CBLB: variants seen among roughly 807,000 people sequenced by gnomAD.
CBLB encodes Cbl proto-oncogene B, also known as E3 ubiquitin-protein ligase CBL-B.
CBLB carries 31 observed loss-of-function variants against 104.9 expected under a neutral mutation model. The ratio of observed to expected loss-of-function variants is 0.30; its 90% CI spans 0.22 to 0.40. The LOEUF is 0.40. Among genes scored for constraint, CBLB ranks in the 10% least tolerant of loss-of-function variants. The probability of loss-of-function intolerance (pLI) is 1.00; values close to 1 mark genes in which losing one functional copy is unlikely to be tolerated. For synonymous variants in CBLB, 440 were observed against 422.6 expected, an observed-to-expected ratio of 1.04 and a Z score of -0.51; for missense variants, 1,062 against 1,214.6, an observed-to-expected ratio of 0.87 and a Z score of 1.87.
intron 3 of CBLB, among the ~76,000 whole-genome samples, chr3:105,843,145 A>T (rs28563790): frequency 0.14 from 21,958 of 152,192 alleles, 2,056 homozygotes; most frequent in South Asian, 0.32. Flanking sequence ...CAAAGTCTAA[A>T]CTATTTACTA....
At chr3:105,674,858 G>A (rs1205350627) in intron 17 of CBLB, among the ~76,000 whole-genome samples, 1 of 152,148 alleles carries the variant, frequency 6.6e-6, no homozygotes. Flanking sequence ...AATCTTACAT[G>A]AAGGCCTAAA....
At position 105,658,724 on chromosome 3, in the gene CBLB, C is replaced by A; in HGVS notation, c.*246G>T. ...TTCAAAGTTCAAGGGAAGTAAACGT[C>A]TTTAAATTATTTTTGTCAGTTCAAC... On this transcript the variant is annotated 3_prime_UTR_variant, in exon 19 of 19. Coordinates refer to ENST00000394030, the MANE Select transcript of CBLB (RefSeq NM_170662.5). The A allele has an allele frequency of 1.8e-6, 1 of 545,686 alleles. No homozygotes were observed. The allele number at this position is 545,686 out of a possible 1,614,324, so 33.8% of individuals were successfully genotyped here. A position where few individuals can be genotyped will look rare whatever the true frequency, so the allele number is the denominator to read the frequency against.
In CBLB at chr3:105,733,927, C is replaced by T. The variant is rs1422562103; in HGVS notation, c.1203+82G>A. 6 of 1,324,208 alleles carry T rather than the reference C, an allele frequency of 4.5e-6. No homozygotes were observed. In the Admixed American group the frequency reaches 1.0e-4, roughly 23 times the overall value. The allele number at this position is 1,324,208 out of a possible 1,614,324, so 82.0% of individuals were successfully genotyped here. On this transcript the variant is annotated intron_variant, in intron 9 of 18. Transcript: ENST00000394030. ...TCAAACAAAGCACTTACCAGCATTA[C>T]TTCCTAAACCATTAAGAAAACTGAA...
At chr3:105,782,305 C>T (rs185052879) in intron 3 of CBLB, among the ~76,000 whole-genome samples, 1 of 152,176 alleles carries the variant, frequency 6.6e-6, no homozygotes, top group African/African-American at 2.4e-5. Context: ...GTCAGCAGTG[C>T]GCCTAGGAAC....
Position 105,657,154 on chromosome 3 carries a change from CAT to C in CBLB, c.*1814_*1815del, listed in dbSNP as rs1183788420. 1 of 224,604 alleles carries C rather than the reference CAT, an allele frequency of 4.5e-6. No homozygotes were observed. 13.9% of individuals were successfully genotyped at this position (224,604 alleles called of 1,614,324 possible). A position where few individuals can be genotyped will look rare whatever the true frequency, so the allele number is the denominator to read the frequency against. The stretch of plus-strand genomic sequence containing the variant: ...AAGCCAGACTGTCAAAAAAAGGGCA[CAT>C]GTCACTTTGCAAAGGAATGTATTAA... On this transcript the variant is annotated 3_prime_UTR_variant, in exon 19 of 19. Coordinates refer to ENST00000394030, the MANE Select transcript of CBLB (RefSeq NM_170662.5).
intron 18 of CBLB, among the ~76,000 whole-genome samples, chr3:105,669,265 TGATTA>T (rs2064814509): frequency 1.3e-5 from 2 of 152,246 alleles, no homozygotes; most frequent in South Asian, 4.1e-4. Flanking sequence ...TTTTGGGAGA[TGATTA>T]GATTATGCAG....
At chr3:105,823,704 A>C (rs892581126) in intron 3 of CBLB, among the ~76,000 whole-genome samples, 6 of 152,134 alleles carry the variant, frequency 3.9e-5, no homozygotes, top group African/African-American at 1.4e-4. Flanking sequence ...ACCTTTGAAA[A>C]AGAGGAGGCT....
chr3:105,852,975 T>C (rs2091150350), intron 3 of CBLB, among the ~76,000 whole-genome samples: 1 of 151,976 alleles, frequency 6.6e-6, no homozygotes, highest in Non-Finnish European at 1.5e-5. Flanking sequence ...CCTCAGCCTC[T>C]CAAAGTGCTG....
chr3:105,780,032 T>C (rs528198663), intron 3 of CBLB, among the ~76,000 whole-genome samples: 1 of 152,178 alleles, frequency 6.6e-6, no homozygotes, highest in South Asian at 2.1e-4. Context: ...TTTGGATTTT[T>C]AGTAGAGACG....
intron 18 of CBLB, among the ~76,000 whole-genome samples, chr3:105,667,298 C>T (rs1325674711): frequency 5.1e-3 from 6 of 1,188 alleles, no homozygotes; most frequent in Non-Finnish European, 0.016. Flanking sequence ...TTCATTAATA[C>T]AGCCTTTTAG....
In CBLB at chr3:105,786,064, G is replaced by GGGGGT. The variant is rs1553794705; in HGVS notation, c.420-9523_420-9522insACCCC. On this transcript the variant is annotated intron_variant, in intron 3 of 18. Coordinates refer to ENST00000394030, the MANE Select transcript of CBLB (RefSeq NM_170662.5). Reference sequence around the variant, plus strand: ...ACATAACACTGTGTGAGAGGATCGGGGGGGGGAAAGTGGGTAAAATGAAAG... The same window carrying GGGGGT: ...ACATAACACTGTGTGAGAGGATCGGGGGGGTGGGGGGAAAGTGGGTAAAATGAAAG... Among the ~76,000 whole-genome samples, 123 of 139,154 alleles carry GGGGGT rather than the reference G, an allele frequency of 8.8e-4. 4 individuals carry two copies. Among genetic ancestry groups the GGGGGT allele is most frequent in the African/African-American group, 3.3e-3 (122 of 36,712 alleles). 91.3% of individuals were successfully genotyped at this position (139,154 alleles called of 152,430 possible). A position where few individuals can be genotyped will look rare whatever the true frequency, so the allele number is the denominator to read the frequency against.
chr3:105,722,205 AAAAAAAAAAAAAAG>A (rs1234127128), intron 9 of CBLB, among the ~76,000 whole-genome samples: 15 of 150,070 alleles, frequency 1.0e-4, no homozygotes, highest in Non-Finnish European at 2.1e-4. Context: ...TGCCAAAAAA[AAAAAAAAAAAAAAG>A]AAAAGAAAAG....
chr3:105,785,384 T>C (rs2080858938), intron 3 of CBLB, among the ~76,000 whole-genome samples: 2 of 152,214 alleles, frequency 1.3e-5, no homozygotes, highest in Non-Finnish European at 2.9e-5. Context: ...AAAAATATCT[T>C]TACTCTGTGA....
At chr3:105,740,685 T>G in intron 6 of CBLB, 54 bp from the exon 7 acceptor site, 1 of 1,465,622 alleles carries the variant, frequency 6.8e-7, no homozygotes, top group Non-Finnish European at 9.5e-7. Flanking sequence ...AAATCAATAC[T>G]AAACAATTTG....
At chr3:105,779,710 C>T (rs2079930365) in intron 3 of CBLB, among the ~76,000 whole-genome samples, 1 of 151,822 alleles carries the variant, frequency 6.6e-6, no homozygotes. Context: ...GAACTGAAAA[C>T]TATTCTGGTA....
rs2063490111 is a variant in CBLB, at chr3:105,658,478, G to T, written c.*492C>A. 1 of 229,974 alleles carries T rather than the reference G, an allele frequency of 4.3e-6. No homozygotes were observed. The allele number at this position is 229,974 out of a possible 1,614,324, so 14.2% of individuals were successfully genotyped here. A position where few individuals can be genotyped will look rare whatever the true frequency, so the allele number is the denominator to read the frequency against. On this transcript the variant is annotated 3_prime_UTR_variant, in exon 19 of 19. Coordinates refer to ENST00000394030, the MANE Select transcript of CBLB (RefSeq NM_170662.5). The stretch of plus-strand genomic sequence containing the variant: ...ATGAGAGAAATGGAACTGGACCTGG[G>T]CAAGGCATGGGGATGGTAGAGATCC...
chr3:105,840,513 G>A (rs577102223), intron 3 of CBLB, among the ~76,000 whole-genome samples: 8 of 152,206 alleles, frequency 5.3e-5, no homozygotes, highest in South Asian at 2.1e-4. Flanking sequence ...GAGTCCTCCC[G>A]AAACAAAGTT....
At chr3:105,791,511 C>A (rs2081639078) in intron 3 of CBLB, among the ~76,000 whole-genome samples, 1 of 152,172 alleles carries the variant, frequency 6.6e-6, no homozygotes, top group Non-Finnish European at 1.5e-5. Flanking sequence ...AATAACCAAT[C>A]AAATACCATG....
At chr3:105,732,902 T>C (rs1343525970) in intron 9 of CBLB, among the ~76,000 whole-genome samples, 1 of 152,196 alleles carries the variant, frequency 6.6e-6, no homozygotes, top group Admixed American at 6.5e-5. Context: ...GAAAATTTAA[T>C]TATTTGCTTT....
Sources: gnomAD v4.1 joint callset for allele counts (sites outside exome capture counted in the v4.1 genomes callset) on GRCh38, gnomAD v4.1.1 for gene constraint, MANE v1.5 for transcripts, NCBI Gene and HGNC (gene_info 2026-07-23, HGNC 2026-07-21) for gene names.